SYNE1: variants seen among roughly 807,000 people sequenced by gnomAD.
SYNE1 encodes the protein spectrin repeat containing nuclear envelope protein 1, also known as nesprin-1.
In SYNE1, 616 loss-of-function variants were observed where a neutral mutation model predicts 1,111.0. That is an observed-to-expected ratio of 0.55 (90% confidence interval 0.52 to 0.59). SYNE1 has a LOEUF of 0.59. SYNE1 is among the 20% of genes least tolerant of loss of function. The pLI is 0.00. For missense variants in SYNE1, 10,006 were observed against 10,417.0 expected (o/e 0.96, Z 1.72); for synonymous variants, 3,855 against 3,825.8 (o/e 1.01, Z -0.28).
chr6:152,189,506 C>T (rs2071567274), intron 127 of SYNE1, 99 bp from the exon 128 acceptor site: 2 of 1,163,548 alleles, frequency 1.7e-6, no homozygotes, highest in Admixed American at 1.9e-5. Context: ...CTTTGTATAG[C>T]CCTCAATTTA....
intron 101 of SYNE1, among the ~76,000 whole-genome samples, chr6:152,258,257 G>A (rs2091309436): frequency 6.6e-6 from 1 of 152,108 alleles, no homozygotes; most frequent in African/African-American, 2.4e-5. Context: ...TAATACCTGA[G>A]AGCTGGATCA....
In SYNE1 at chr6:152,409,676, C is replaced by A. The variant is rs1192676026; in HGVS notation, c.6264G>T (p.Met2088Ile). The A allele has an allele frequency of 6.2e-7, 1 of 1,613,654 alleles. No individual in the cohort carries two copies. Among genetic ancestry groups the A allele is most frequent in the East Asian group, 2.2e-5 (1 of 44,836 alleles). The change falls in exon 43 of 146, where the codon ATG (methionine) becomes ATT (isoleucine). Residue 2088 changes from methionine (M) to isoleucine (I), a missense_variant. Met to Ile is a conservative substitution (Grantham distance 10). This residue lies in a region of SYNE1 where 4,955 missense variants were observed against 5,017.2 expected (regional missense o/e 0.99). Coordinates refer to ENST00000367255, the MANE Select transcript of SYNE1 (RefSeq NM_182961.4). ...CTGATTTCAGGTTCTGATATTCTCT[C>A]ATTAAGTCAATAAGTCCACAGCACT... ...QGQCCGLIDL[M>I]REYQNLKSAV...
At chr6:152,430,854 A>G (rs370950817) in intron 34 of SYNE1, 145 bp from the exon 35 acceptor site, 12 of 806,778 alleles carry the variant, frequency 1.5e-5, no homozygotes, top group East Asian at 5.3e-5. Context: ...AGCAAACACC[A>G]TGTGTTTGGG....
chr6:152,576,360 G>A (rs2099496520), intron 3 of SYNE1, among the ~76,000 whole-genome samples: 1 of 152,138 alleles, frequency 6.6e-6, no homozygotes, highest in Admixed American at 6.5e-5. Flanking sequence ...ACACTCCCAT[G>A]TATTTAGACA....
Position 152,367,278 on chromosome 6 carries a change from A to G in SYNE1, c.9912T>C (p.Asp3304=), listed in dbSNP as rs1201471335. ...DWMTDAIHML[D]SYCHPTSDKS... is the part of the protein sequence containing the mutation. ...TGTCGGATGTCGGGTGGCAGTATGAATCCAGCATGTGAATCGCATCCGTCA... is the reference window on the plus strand; with the variant it reads ...TGTCGGATGTCGGGTGGCAGTATGAGTCCAGCATGTGAATCGCATCCGTCA... Residue 3304 remains aspartate (D), a synonymous_variant, in exon 62 of 146, where the codon GAT becomes GAC. Coordinates refer to ENST00000367255, the MANE Select transcript of SYNE1 (RefSeq NM_182961.4). 5 of 1,614,224 alleles carry G rather than the reference A, an allele frequency of 3.1e-6. No homozygotes were observed. In the East Asian group the frequency reaches 1.1e-4, roughly 36 times the overall value.
chr6:152,153,949 G>C (rs2060893751), intron 133 of SYNE1, among the ~76,000 whole-genome samples: 1 of 152,138 alleles, frequency 6.6e-6, no homozygotes. Context: ...AAAATGCCTG[G>C]TTACCTGATG....
rs548878081 is a variant in SYNE1 at position 152,252,687 on chromosome 6, T to C, written c.19470+2193A>G. Among the ~76,000 whole-genome samples, 55 of 152,364 alleles carry C rather than the reference T, an allele frequency of 3.6e-4. No homozygotes were observed. In the Middle Eastern group the frequency reaches 0.014, roughly 38 times the overall value. ...TTAAAACAAAAAGGAAAATAGTTTG[T>C]GACTTGACCTTTAATTATGTTAACA... On this transcript the variant is annotated intron_variant, in intron 104 of 145. Transcript: ENST00000367255.
In SYNE1 at chr6:152,385,905, C is replaced by T. The variant is rs2097520425; in HGVS notation, c.8488-67G>A. 4.6e-6 allele frequency: 7 copies of T among 1,506,344 alleles called. No individual in the cohort carries two copies. In the South Asian group the frequency reaches 7.9e-5, roughly 17 times the overall value. The allele number at this position is 1,506,344 out of a possible 1,614,324, so 93.3% of individuals were successfully genotyped here. ...GAGAACATGAACTCAGGTAAGACAA[C>T]AGGCCTGATAGAGGTCTCTTAACAC... On this transcript the variant is annotated intron_variant, in intron 54 of 145. Coordinates refer to ENST00000367255, the MANE Select transcript of SYNE1 (RefSeq NM_182961.4).
intron 4 of SYNE1, among the ~76,000 whole-genome samples, chr6:152,530,467 GGTT>G (rs1431335307): frequency 9.0e-6 from 1 of 110,998 alleles, no homozygotes; most frequent in Non-Finnish European, 2.0e-5. Flanking sequence ...CTAATTGTAT[GGTT>G]TTTTTTTTTT....
chr6:152,354,547 A>C (rs1012330930), intron 67 of SYNE1, 112 bp downstream of exon 67: 14 of 1,271,400 alleles, frequency 1.1e-5, no homozygotes, highest in Middle Eastern at 1.9e-4. Context: ...GGTAATCAAA[A>C]AGATTTTGCA....
chr6:152,446,651 T>C (rs1023864697), intron 29 of SYNE1, among the ~76,000 whole-genome samples: 2 of 152,190 alleles, frequency 1.3e-5, no homozygotes, highest in Non-Finnish European at 2.9e-5. Context: ...ACTTAAATGA[T>C]TTCAAGAAAT....
At chr6:152,425,225 C>A (rs2098334162) in intron 39 of SYNE1, among the ~76,000 whole-genome samples, 156 bp downstream of exon 39, 1 of 152,114 alleles carries the variant, frequency 6.6e-6, no homozygotes, top group Admixed American at 6.5e-5. Context: ...GTTTTGTGGA[C>A]CTTGATTTTC....
At chr6:152,575,829 A>T (rs959245794) in intron 3 of SYNE1, among the ~76,000 whole-genome samples, 1 of 152,224 alleles carries the variant, frequency 6.6e-6, no homozygotes, top group Non-Finnish European at 1.5e-5. Context: ...CAGTGCCTGG[A>T]ATGTAATAGG....
chr6:152,171,541 C>A (rs1385601044), intron 130 of SYNE1, among the ~76,000 whole-genome samples: 2 of 152,096 alleles, frequency 1.3e-5, no homozygotes. Flanking sequence ...GAGAAGCCTA[C>A]TGAGCCCGTA....
chr6:152,258,536 C>A (rs2153635035), intron 101 of SYNE1, among the ~76,000 whole-genome samples: 1 of 152,206 alleles, frequency 6.6e-6, no homozygotes, highest in African/African-American at 2.4e-5. Context: ...CTCAACTTTT[C>A]TTCTTGGTTT....
chr6:152,318,985 T>C lies in SYNE1; in HGVS notation c.16267A>G (p.Ser5423Gly). ...IQDKIKEVEQ[S>G]KATSQELSRQ... ...CTGAGTTCCTGGCTCGTGGCCTTGC[T>C]CTGCTCAACTTCTTTTATTTTGTCT... Residue 5423 changes from serine (S) to glycine (G), a missense_variant, in exon 85 of 146, where the codon AGC becomes GGC. By Grantham distance (56) the Ser-to-Gly change is moderately conservative. Around this residue, in one of 7 missense-constraint regions of SYNE1, gnomAD observed 4,955 missense variants for 5,017.2 expected, o/e 0.99. Transcript: ENST00000367255. 6.2e-7 allele frequency: 1 copy of C among 1,614,224 alleles called. No homozygotes were observed. Among genetic ancestry groups the C allele is most frequent in the Non-Finnish European group, 8.5e-7 (1 of 1,180,030 alleles).
At chr6:152,257,007 G>A (rs879751824) in intron 101 of SYNE1, among the ~76,000 whole-genome samples, 5 of 151,986 alleles carry the variant, frequency 3.3e-5, no homozygotes, top group Non-Finnish European at 7.4e-5. Context: ...TGACAGATAG[G>A]AGGAATAAGT....
chr6:152,254,786 A>G, intron 104 of SYNE1, 94 bp downstream of exon 104: 1 of 1,164,356 alleles, frequency 8.6e-7, no homozygotes, highest in South Asian at 1.3e-5. Context: ...CGCATTTAGA[A>G]AAACAACAAC....
intron 95 of SYNE1, among the ~76,000 whole-genome samples, chr6:152,285,917 C>T (rs1173412769): frequency 6.6e-6 from 1 of 152,160 alleles, no homozygotes; most frequent in East Asian, 1.9e-4. Context: ...GAAAAACAGG[C>T]TCTATCACCA....
Sources: gnomAD v4.1 joint callset for allele counts (sites outside exome capture counted in the v4.1 genomes callset) on GRCh38, gnomAD v4.1.1 for gene constraint, gnomAD v4.1.1 regional missense constraint, MANE v1.5 for transcripts, NCBI Gene and HGNC (gene_info 2026-07-23, HGNC 2026-07-21) for gene names.